DOCK1: variants seen among roughly 807,000 people sequenced by gnomAD.
DOCK1 encodes dedicator of cytokinesis 1, also known as dedicator of cytokinesis protein 1.
Under a neutral mutation model 262.7 loss-of-function variants are expected in DOCK1, and 138 were observed. The observed-to-expected ratio is 0.53, with a 90% CI of 0.46 to 0.61. The LOEUF (loss-of-function observed/expected upper bound fraction) is 0.61, where lower values mean the gene tolerates loss of function less well. Ranked by LOEUF, DOCK1 falls within the 20% of genes least tolerant of loss-of-function variation. The pLI, the probability that DOCK1 is intolerant of heterozygous loss-of-function variation, is 0.00. For missense variants in DOCK1, 1,908 were observed against 2,370.7 expected, an observed-to-expected ratio of 0.80 and a Z score of 4.05; for synonymous variants, 866 against 867.4, an observed-to-expected ratio of 1.00 and a Z score of 0.03.
chr10:127,141,412 G>A (rs2051228749), intron 27 of DOCK1, among the ~76,000 whole-genome samples: 1 of 152,104 alleles, frequency 6.6e-6, no homozygotes, highest in Non-Finnish European at 1.5e-5. Flanking sequence ...GTCTTAAAAG[G>A]CAAATTCTGG....
intron 23 of DOCK1, among the ~76,000 whole-genome samples, chr10:127,088,980 C>T (rs2047357269): frequency 1.3e-5 from 2 of 152,246 alleles, no homozygotes; most frequent in South Asian, 4.1e-4. Context: ...AACCCTCTCT[C>T]CCTAACACCC....
chr10:127,383,388 T>C (rs1167181530), intron 37 of DOCK1, among the ~76,000 whole-genome samples: 1 of 152,232 alleles, frequency 6.6e-6, no homozygotes, highest in Non-Finnish European at 1.5e-5. Flanking sequence ...CATTTCAGAA[T>C]CTAGTTTTGC....
chr10:127,345,090 G>A (rs1316976264), intron 31 of DOCK1, among the ~76,000 whole-genome samples: 14 of 152,178 alleles, frequency 9.2e-5, no homozygotes, highest in Non-Finnish European at 1.5e-5. Flanking sequence ...GCCGATGTGT[G>A]TAGTAGGCTG....
In DOCK1 at chr10:127,158,210, C is replaced by T. The variant is rs542686605; in HGVS notation, c.2847+30446C>T. Among the ~76,000 whole-genome samples the T allele has an allele frequency of 5.3e-5, 8 of 152,258 alleles. No individual in the cohort carries two copies. In the East Asian group the frequency reaches 9.6e-4, roughly 18 times the overall value. On this transcript the variant is annotated intron_variant, in intron 27 of 51. Coordinates refer to ENST00000623213, the MANE Select transcript of DOCK1 (RefSeq NM_001290223.2). Reference sequence around the variant, plus strand: ...TGGAATTTCCCTATTTTTTCCTTCTCAACTTGGAAACACATCAGAAAACAG... The same window carrying T: ...TGGAATTTCCCTATTTTTTCCTTCTTAACTTGGAAACACATCAGAAAACAG...
intron 35 of DOCK1, among the ~76,000 whole-genome samples, chr10:127,378,477 G>A (rs181555660): frequency 7.9e-5 from 12 of 152,184 alleles, no homozygotes; most frequent in East Asian, 7.8e-4. Flanking sequence ...GAACCTTTAC[G>A]TAAGAAACAC....
chr10:127,328,241 C>G (rs866151903), intron 29 of DOCK1, among the ~76,000 whole-genome samples: 2 of 152,064 alleles, frequency 1.3e-5, no homozygotes, highest in Non-Finnish European at 2.9e-5. Context: ...AAAATGAACC[C>G]GGATAAATTT....
At chr10:126,992,407 C>T (rs931888280) in intron 6 of DOCK1, among the ~76,000 whole-genome samples, 1 of 152,044 alleles carries the variant, frequency 6.6e-6, no homozygotes, top group African/African-American at 2.4e-5. Flanking sequence ...AGGTTTTTTG[C>T]CCAAGGATCT....
Position 127,100,862 on chromosome 10 carries a change from G to A in DOCK1, c.2446-5369G>A, listed in dbSNP as rs1027535369. 2.6e-5 allele frequency among the ~76,000 whole-genome samples: 4 copies of A among 152,134 alleles called. No individual in the cohort carries two copies. Among genetic ancestry groups the A allele is most frequent in the Admixed American group, 6.5e-5 (1 of 15,282 alleles). On this transcript the variant is annotated intron_variant, in intron 23 of 51. Transcript: ENST00000623213. This position sits in a 1 kb window ranked among gnomAD's most constrained non-coding sequence, Gnocchi z 5.5. ...GCTGCAGTGGGAGTGAGGAGGGGTC[G>A]TGTGGGAAGTGGACGCAGGCCTTGC...
intron 27 of DOCK1, among the ~76,000 whole-genome samples, chr10:127,236,573 T>C (rs2059072703): frequency 6.7e-6 from 1 of 149,202 alleles, no homozygotes; most frequent in East Asian, 2.0e-4. Flanking sequence ...TATTTGTCTG[T>C]CTGTCCTTTC....
chr10:127,384,865 G>C lies in DOCK1; in HGVS notation c.3883G>C (p.Glu1295Gln), dbSNP rs2134134043. 6.2e-7 allele frequency: 1 copy of C among 1,608,272 alleles called. No individual in the cohort carries two copies. Among genetic ancestry groups the C allele is most frequent in the East Asian group, 2.3e-5 (1 of 44,424 alleles). ...YQATTQGQLK[E>Q]QLYQEIIHYF... ...GGCCACCACGCAGGGACAGCTGAAG[G>C]AGCAGCTCTACCAGGAAATCATCCA... Residue 1295 changes from glutamate to glutamine, a missense_variant, in exon 38 of 52, where the codon GAG (glutamate) becomes CAG (glutamine). Transcript: ENST00000623213.
chr10:127,124,694 TCAGCCCACTC>T (rs1206548134), intron 25 of DOCK1, among the ~76,000 whole-genome samples: 6 of 152,144 alleles, frequency 3.9e-5, no homozygotes, highest in Non-Finnish European at 5.9e-5. Flanking sequence ...CTGTTCCTCC[TCAGCCCACTC>T]CAGGAAGCTG....
chr10:127,052,139 C>CACTTAGAACAACGT (rs2044764151), intron 21 of DOCK1, among the ~76,000 whole-genome samples: 1 of 152,150 alleles, frequency 6.6e-6, no homozygotes, highest in African/African-American at 2.4e-5. Flanking sequence ...ATGCATTTCA[C>CACTTAGAACAACGT]CTGCTTAGAA....
At chr10:127,107,067 C>G (rs897863350) in intron 24 of DOCK1, among the ~76,000 whole-genome samples, 2 of 152,176 alleles carry the variant, frequency 1.3e-5, no homozygotes, top group African/African-American at 2.4e-5. Flanking sequence ...AAGCACCCCT[C>G]CCGCCTCTGC....
At chr10:126,976,608 T>G (rs10830183) in intron 2 of DOCK1, among the ~76,000 whole-genome samples, 3 of 152,228 alleles carry the variant, frequency 2.0e-5, no homozygotes, top group Admixed American at 6.5e-5. Context: ...TTTGCCTTTT[T>G]AATAGTGTAA....
intron 6 of DOCK1, among the ~76,000 whole-genome samples, chr10:126,993,837 A>C (rs2135049589): frequency 6.6e-6 from 1 of 152,228 alleles, no homozygotes; most frequent in South Asian, 2.1e-4. Flanking sequence ...CTTGAGCAAA[A>C]CTCCAAAGAC....
rs933181361 is a variant in DOCK1 at position 127,210,854 on chromosome 10, T to C, written c.2848-37154T>C. On this transcript the variant is annotated intron_variant, in intron 27 of 51. Coordinates refer to ENST00000623213, the MANE Select transcript of DOCK1 (RefSeq NM_001290223.2). ...TTTCTCCAAAGAGAAAAATAAAAAC[T>C]CAGAATATTCTTGTGACTGATTTCT... is the stretch of plus-strand genomic sequence containing the variant. Among the ~76,000 whole-genome samples the C allele has an allele frequency of 2.0e-5, 3 of 152,224 alleles. No homozygotes were observed. The East Asian group carries it at 5.8e-4, about 29-fold the overall frequency.
chr10:127,375,614 C>A (rs946743690), intron 35 of DOCK1, among the ~76,000 whole-genome samples: 1 of 152,210 alleles, frequency 6.6e-6, no homozygotes, highest in African/African-American at 2.4e-5. Flanking sequence ...CACTTTTCAT[C>A]GACTATGGTA....
intron 2 of DOCK1, among the ~76,000 whole-genome samples, chr10:126,972,725 G>T (rs867139633): frequency 2.6e-5 from 4 of 151,754 alleles, no homozygotes; most frequent in Non-Finnish European, 5.9e-5. Context: ...GAGAAACACA[G>T]ACCTACTAAC....
At chr10:127,380,228 A>G (rs1446783028) in intron 36 of DOCK1, 106 bp downstream of exon 36, 1 of 951,924 alleles carries the variant, frequency 1.1e-6, no homozygotes, top group African/African-American at 1.7e-5. Context: ...TTTATTTTGT[A>G]GAAAATTGTG....
Sources: gnomAD v4.1 joint callset for allele counts (sites outside exome capture counted in the v4.1 genomes callset) on GRCh38, gnomAD v4.1.1 for gene constraint, Gnocchi (gnomAD v3.1) non-coding constraint, MANE v1.5 for transcripts, NCBI Gene and HGNC (gene_info 2026-07-23, HGNC 2026-07-21) for gene names.